COL24A1: variants seen among roughly 807,000 people sequenced by gnomAD.
COL24A1 encodes the protein collagen type XXIV alpha 1 chain, also known as collagen alpha-1(XXIV) chain.
Under a neutral mutation model 253.9 loss-of-function variants are expected in COL24A1, and 224 were observed. The ratio of observed to expected loss-of-function variants is 0.88; its 90% CI spans 0.79 to 0.99. The LOEUF is 0.99. Ranked by LOEUF, COL24A1 falls within the 50% of genes least tolerant of loss-of-function variation. The pLI, the probability that COL24A1 is intolerant of heterozygous loss-of-function variation, is 0.00. For missense variants in COL24A1, 2,131 were observed against 2,068.5 expected (o/e 1.03, Z -0.59); for synonymous variants, 685 against 673.7 (o/e 1.02, Z -0.26).
intron 19 of COL24A1, among the ~76,000 whole-genome samples, chr1:86,003,716 TGAGGATATATA>T (rs773413925): frequency 6.6e-6 from 1 of 152,014 alleles, no homozygotes; most frequent in Non-Finnish European, 1.5e-5. Context: ...TGACCTGAAG[TGAGGATATATA>T]GATTCCTCGG....
chr1:86,105,295 T>C (rs1292925937), intron 5 of COL24A1, among the ~76,000 whole-genome samples: 1 of 152,172 alleles, frequency 6.6e-6, no homozygotes, highest in African/African-American at 2.4e-5. Context: ...AAGATCTGCC[T>C]GCACACACAT....
intron 57 of COL24A1, among the ~76,000 whole-genome samples, chr1:85,743,955 T>C (rs981569905): frequency 2.0e-5 from 3 of 152,228 alleles, no homozygotes; most frequent in Non-Finnish European, 2.9e-5. Context: ...AAAATTAAAA[T>C]GACCACAGAA....
chr1:85,957,509 T>G (rs1690586930), intron 24 of COL24A1, among the ~76,000 whole-genome samples: 1 of 152,218 alleles, frequency 6.6e-6, no homozygotes. Context: ...CATTTCCTTG[T>G]GCTTCCAGAA....
In COL24A1 at chr1:86,027,176, G is replaced by T. The variant is rs184648712; in HGVS notation, c.2050-4169C>A. 3.4e-3 allele frequency among the ~76,000 whole-genome samples: 523 copies of T among 152,270 alleles called. 4 individuals are homozygous for T. Among genetic ancestry groups the T allele is most frequent in the Middle Eastern group, 3.4e-3 (1 of 294 alleles). On this transcript the variant is annotated intron_variant, in intron 14 of 59. Coordinates refer to ENST00000370571, the MANE Select transcript of COL24A1 (RefSeq NM_152890.7). Reference sequence around the variant, plus strand: ...TAAAAGGGAAGCAAAGTATAAAAAAGTTCAGAAAATTTGCAGCATGAGAAT... The same window carrying T: ...TAAAAGGGAAGCAAAGTATAAAAAATTTCAGAAAATTTGCAGCATGAGAAT...
At chr1:85,933,701 C>G (rs1013718289) in intron 24 of COL24A1, among the ~76,000 whole-genome samples, 1 of 151,984 alleles carries the variant, frequency 6.6e-6, no homozygotes, top group Non-Finnish European at 1.5e-5. Flanking sequence ...GAATCAAGGG[C>G]AAAATTATAT....
intron 24 of COL24A1, among the ~76,000 whole-genome samples, chr1:85,958,032 T>C (rs1690643172): frequency 6.6e-6 from 1 of 152,136 alleles, no homozygotes; most frequent in African/African-American, 2.4e-5. Flanking sequence ...AGCTAACATT[T>C]ATCAAGTTTT....
intron 20 of COL24A1, among the ~76,000 whole-genome samples, chr1:85,979,137 C>T (rs1316669280): frequency 1.3e-5 from 2 of 151,988 alleles, no homozygotes; most frequent in African/African-American, 2.4e-5. Flanking sequence ...ATTATTTGAA[C>T]TGAACGATAA....
intron 24 of COL24A1, among the ~76,000 whole-genome samples, chr1:85,944,083 T>A (rs75888333): frequency 0.038 from 5,834 of 152,264 alleles, 183 homozygotes; most frequent in African/African-American, 0.08. Context: ...TTTCTACAGA[T>A]CTCAGCTCTT....
chr1:85,919,178 G>A (rs942644782), intron 24 of COL24A1, among the ~76,000 whole-genome samples: 3 of 152,174 alleles, frequency 2.0e-5, no homozygotes, highest in Non-Finnish European at 2.9e-5. Flanking sequence ...TGTATAGAGT[G>A]CAAGTAAGAA....
intron 5 of COL24A1, among the ~76,000 whole-genome samples, chr1:86,109,764 T>G (rs1705350568): frequency 1.3e-5 from 2 of 152,240 alleles, no homozygotes; most frequent in African/African-American, 4.8e-5. Context: ...GCACACTTTT[T>G]TCTTTTCTTC....
intron 32 of COL24A1, among the ~76,000 whole-genome samples, chr1:85,879,733 A>G (rs868652126): frequency 2.0e-5 from 3 of 152,206 alleles, no homozygotes; most frequent in Admixed American, 6.5e-5. Flanking sequence ...GAGCATCATC[A>G]AGATCTTCAT....
At chr1:85,774,458 C>T (rs1255632059) in intron 53 of COL24A1, among the ~76,000 whole-genome samples, 1 of 152,114 alleles carries the variant, frequency 6.6e-6, no homozygotes, top group East Asian at 1.9e-4. Flanking sequence ...CCAGCTCCTC[C>T]TTGTACCTCT....
Position 85,744,785 on chromosome 1 carries a change from A to C in COL24A1, c.4553T>G (p.Phe1518Cys). Residue 1518 changes from phenylalanine to cysteine, a missense_variant, in exon 57 of 60, where the codon TTC (phenylalanine) becomes TGC (cysteine). By Grantham distance (205) the Phe-to-Cys change is radical. Coordinates refer to ENST00000370571, the MANE Select transcript of COL24A1 (RefSeq NM_152890.7). ...VTLIDHSEEI[F>C]KTLNYLSNLL... ...ATTGCTAAGGTAGTTCAGGGTTTTG[A>C]ATATCTCTTCACTGTGGTCAATTAA... is the stretch of plus-strand genomic sequence containing the variant. 1 of 1,610,998 alleles carries C rather than the reference A, an allele frequency of 6.2e-7. No homozygotes were observed. Among genetic ancestry groups the C allele is most frequent in the Middle Eastern group, 1.7e-4 (1 of 6,060 alleles).
intron 24 of COL24A1, among the ~76,000 whole-genome samples, chr1:85,940,187 G>T (rs1688615261): frequency 5.9e-5 from 1 of 16,840 alleles, no homozygotes; most frequent in Non-Finnish European, 1.5e-4. Context: ...GGCGGATCAC[G>T]AGGTCAGGAG....
chr1:86,117,978 T>C (rs541977666), intron 3 of COL24A1, among the ~76,000 whole-genome samples: 5 of 152,324 alleles, frequency 3.3e-5, no homozygotes, highest in African/African-American at 9.6e-5. Context: ...TTCAGGGTTA[T>C]TGTGAGTATT....
At chr1:85,880,242 C>T (rs1469497141) in intron 32 of COL24A1, among the ~76,000 whole-genome samples, 1 of 152,132 alleles carries the variant, frequency 6.6e-6, no homozygotes, top group Non-Finnish European at 1.5e-5. Context: ...GTTAGAGTTA[C>T]AACTATTTCT....
At chr1:86,008,957 T>TTTAA (rs139329446) in intron 19 of COL24A1, among the ~76,000 whole-genome samples, 1 of 152,004 alleles carries the variant, frequency 6.6e-6, no homozygotes, top group Non-Finnish European at 1.5e-5. Flanking sequence ...TAAGGAATGT[T>TTTAA]AACACAAAAA....
At chr1:85,786,264 A>T in intron 48 of COL24A1, 90 bp downstream of exon 48, 1 of 1,130,216 alleles carries the variant, frequency 8.8e-7, no homozygotes, top group Non-Finnish European at 1.3e-6. Context: ...AAAAACTATT[A>T]ATCTTACCAT....
chr1:85,924,104 C>T lies in COL24A1; in HGVS notation c.2563-12671G>A, dbSNP rs193212894. Among the ~76,000 whole-genome samples, 983 of 152,256 alleles carry T rather than the reference C, an allele frequency of 6.5e-3. 4 individuals carry two copies. The highest frequency in any genetic ancestry group is 0.017 in the Middle Eastern group (5 of 294). The stretch of plus-strand genomic sequence containing the variant: ...ATAAATTCCTGGACACATACACCCT[C>T]CAAAGACTAAACCAGGAAGAAGTTG... On this transcript the variant is annotated intron_variant, in intron 24 of 59. Transcript: ENST00000370571.
Sources: allele counts gnomAD v4.1 joint callset (sites outside exome capture counted in the v4.1 genomes callset), GRCh38; gene constraint gnomAD v4.1.1; transcripts MANE v1.5; gene names NCBI Gene and HGNC (gene_info 2026-07-23, HGNC 2026-07-21).